The following ADAM17 variants were observed in gnomAD, a reference collection of about 807,000 sequenced individuals.
ADAM17 encodes the protein ADAM metallopeptidase domain 17.
In ADAM17, 39 loss-of-function variants were observed where a neutral mutation model predicts 96.7. The ratio of observed to expected loss-of-function variants is 0.40; its 90% CI spans 0.31 to 0.53. ADAM17 has a LOEUF of 0.53. Among genes scored for constraint, ADAM17 ranks in the 20% least tolerant of loss-of-function variants. The pLI is 0.44. For missense variants in ADAM17, 777 were observed against 1,013.2 expected, an observed-to-expected ratio of 0.77 and a Z score of 3.17; for synonymous variants, 344 against 359.2, an observed-to-expected ratio of 0.96 and a Z score of 0.48.
intron 6 of ADAM17, among the ~76,000 whole-genome samples, chr2:9,523,878 CT>C (rs112169335): frequency 4.3e-4 from 62 of 144,322 alleles, no homozygotes; most frequent in Non-Finnish European, 4.9e-4. Context: ...TTATGATTTT[CT>C]TTTTTTTTTT....
intron 1 of ADAM17, among the ~76,000 whole-genome samples, chr2:9,550,982 C>A (rs983001037): frequency 1.3e-5 from 2 of 149,582 alleles, no homozygotes; most frequent in Admixed American, 1.3e-4. Context: ...GGCTGAGGCA[C>A]GAGAATCACT....
chr2:9,533,186 C>G (rs1283150023), intron 4 of ADAM17, among the ~76,000 whole-genome samples: 12 of 148,356 alleles, frequency 8.1e-5, no homozygotes, highest in African/African-American at 3.0e-4. Flanking sequence ...GAGATGCCAT[C>G]TTAAAAAAAA....
chr2:9,507,055 G>A (rs1663448815), intron 11 of ADAM17: 1 of 152,210 alleles, frequency 6.6e-6, no homozygotes, highest in African/African-American at 2.4e-5. Flanking sequence ...TGTCCACAGA[G>A]AAGTCCACCT....
At position 9,489,933 on chromosome 2, in the gene ADAM17, A is replaced by AAAAGATATTTT; in HGVS notation, c.*233_*243dup. 2.3e-6 allele frequency: 1 copy of AAAAGATATTTT among 436,876 alleles called. No individual in the cohort carries two copies. Among genetic ancestry groups the AAAAGATATTTT allele is most frequent in the Non-Finnish European group, 4.1e-6 (1 of 245,508 alleles). The allele number at this position is 436,876 out of a possible 1,614,324, so 27.1% of individuals were successfully genotyped here. A position where few individuals can be genotyped will look rare whatever the true frequency, so the allele number is the denominator to read the frequency against. On this transcript the variant is annotated 3_prime_UTR_variant, in exon 19 of 19. Coordinates refer to ENST00000310823, the MANE Select transcript of ADAM17 (RefSeq NM_003183.6). ...ATTTTCTGCTTTTGCACCACAGGTC[A>AAAAGATATTTT]AAAGATATTTTAAAAACTAAAACCT...
At chr2:9,555,366 A>G in intron 1 of ADAM17, 143 bp downstream of exon 1, 2 of 611,176 alleles carry the variant, frequency 3.3e-6, no homozygotes, top group East Asian at 3.0e-5. Context: ...CGAGAGCCAC[A>G]CCCCCTTCTA....
chr2:9,517,550 C>G (rs896886609), intron 10 of ADAM17, among the ~76,000 whole-genome samples: 2 of 152,084 alleles, frequency 1.3e-5, no homozygotes, highest in African/African-American at 4.8e-5. Flanking sequence ...AGAGGGAGAC[C>G]ATGGGGTTCT....
intron 10 of ADAM17, among the ~76,000 whole-genome samples, chr2:9,514,574 A>G (rs1445993645): frequency 1.7e-5 from 2 of 119,290 alleles, no homozygotes; most frequent in South Asian, 5.8e-4. Context: ...TATATAAATA[A>G]AAAGAGACAG....
At chr2:9,529,169 G>C (rs1014200956) in intron 4 of ADAM17, among the ~76,000 whole-genome samples, 1 of 152,028 alleles carries the variant, frequency 6.6e-6, no homozygotes, top group Non-Finnish European at 1.5e-5. Flanking sequence ...CCACACACAG[G>C]CTGGGCGTGG....
At chr2:9,501,249 G>A (rs1662984564) in intron 13 of ADAM17, among the ~76,000 whole-genome samples, 1 of 151,890 alleles carries the variant, frequency 6.6e-6, no homozygotes, top group African/African-American at 2.4e-5. Flanking sequence ...GACAAGGGCT[G>A]TTAAAAAAAA....
At chr2:9,535,005 A>C (rs1664903108) in intron 4 of ADAM17, among the ~76,000 whole-genome samples, 1 of 152,230 alleles carries the variant, frequency 6.6e-6, no homozygotes. Context: ...AAACATTAAC[A>C]AACTATAACA....
chr2:9,529,047 A>C (rs1163369792), intron 4 of ADAM17, among the ~76,000 whole-genome samples: 2 of 152,270 alleles, frequency 1.3e-5, no homozygotes, highest in Non-Finnish European at 2.9e-5. Context: ...TGAATAAACA[A>C]AATGCAGTTT....
At chr2:9,521,433 A>C in intron 7 of ADAM17, 117 bp from the exon 8 acceptor site, 1 of 684,972 alleles carries the variant, frequency 1.5e-6, no homozygotes. Flanking sequence ...AACATTTTAA[A>C]ACCAAAATTC....
intron 16 of ADAM17, among the ~76,000 whole-genome samples, chr2:9,493,492 T>A (rs1318136438): frequency 6.6e-6 from 1 of 152,228 alleles, no homozygotes; most frequent in Non-Finnish European, 1.5e-5. Context: ...CACATGGATA[T>A]TTTTGGGTAA....
At chr2:9,496,159 C>A in intron 14 of ADAM17, among the ~76,000 whole-genome samples, 1 of 151,918 alleles carries the variant, frequency 6.6e-6, no homozygotes, top group South Asian at 2.1e-4. Flanking sequence ...AATGGAGTCT[C>A]GCTCTGTTGC....
In ADAM17 at chr2:9,555,579, G is replaced by C. The variant is rs757690124; in HGVS notation, c.27C>G (p.Thr9=). Residue 9 remains threonine, a synonymous_variant, in exon 1 of 19, where the codon ACC becomes ACG. Coordinates refer to ENST00000310823, the MANE Select transcript of ADAM17 (RefSeq NM_003183.6). ...GCGCCAGCACGAAAGGAACCACGCT[G>C]GTCAGGAATAGGAGAGACTGCCTCA... MRQSLLFL[T]SVVPFVLAPR... 1 of 1,597,640 alleles carries C rather than the reference G, an allele frequency of 6.3e-7. No individual in the cohort carries two copies. Among genetic ancestry groups the C allele is most frequent in the Non-Finnish European group, 8.5e-7 (1 of 1,172,050 alleles).
rs770400357 is a variant in ADAM17 at position 9,535,883 on chromosome 2, T to G, written c.401A>C (p.Asp134Ala). 1.2e-6 allele frequency: 2 copies of G among 1,606,582 alleles called. No homozygotes were observed. The highest frequency in any genetic ancestry group is 3.4e-5 in the Admixed American group (2 of 59,470). The change falls in exon 4 of 19, where the codon GAT (aspartate) becomes GCT (alanine). Residue 134 changes from aspartate to alanine, a missense_variant. Physicochemically the swap from Asp to Ala is moderately radical, Grantham distance 126. Around this residue, in one of 3 missense-constraint regions of ADAM17, gnomAD observed 446 missense variants for 664.7 expected, o/e 0.67. Transcript: ENST00000310823. ...TGTGTTGATTCTGATTATAACATCA[T>G]CATCTCTTATGTGGGCTAGAACCCT... is the stretch of plus-strand genomic sequence containing the variant. ...DSRVLAHIRD[D>A]DVIIRINTDG...
rs377513734 is a variant in ADAM17 at position 9,536,770 on chromosome 2, C to T, written c.289G>A (p.Val97Met). Residue 97 changes from valine to methionine, a missense_variant, in exon 3 of 19, where the codon GTG (valine) becomes ATG (methionine). Physicochemically the swap from Val to Met is conservative, Grantham distance 21. Around this residue, in one of 3 missense-constraint regions of ADAM17, gnomAD observed 134 missense variants for 129.1 expected, o/e 1.04. Coordinates refer to ENST00000310823, the MANE Select transcript of ADAM17 (RefSeq NM_003183.6). ...TERFSQNFKVVVVDGKNESEY... is the reference protein window; with the variant it reads ...TERFSQNFKVMVVDGKNESEY... ...CTTTCGTTTTTACCATCCACCACCACGACCTTGAAATTTTGTGAAAAACGT... is the reference window on the plus strand; with the variant it reads ...CTTTCGTTTTTACCATCCACCACCATGACCTTGAAATTTTGTGAAAAACGT... 5 of 1,614,068 alleles carry T rather than the reference C, an allele frequency of 3.1e-6. No homozygotes were observed. The highest frequency in any genetic ancestry group is 2.7e-5 in the African/African-American group (2 of 75,042).
intron 4 of ADAM17, among the ~76,000 whole-genome samples, chr2:9,529,206 T>C (rs1298768030): frequency 2.0e-5 from 3 of 152,096 alleles, no homozygotes; most frequent in Non-Finnish European, 4.4e-5. Flanking sequence ...TCCCAGCACT[T>C]CGGGAGGCCG....
intron 10 of ADAM17, among the ~76,000 whole-genome samples, chr2:9,515,682 C>T (rs957578862): frequency 1.3e-5 from 2 of 148,304 alleles, no homozygotes; most frequent in African/African-American, 5.0e-5. Flanking sequence ...TGCAGTGAGC[C>T]GAGATGGCGC....
Sources: allele counts gnomAD v4.1 joint callset (sites outside exome capture counted in the v4.1 genomes callset), GRCh38; gene constraint gnomAD v4.1.1; regional missense constraint gnomAD v4.1.1; transcripts MANE v1.5; gene names NCBI Gene and HGNC (gene_info 2026-07-23, HGNC 2026-07-21).